The following PCBP3 variants were observed in gnomAD, a reference collection of about 807,000 sequenced individuals.
PCBP3 encodes the protein poly(rC)-binding protein 3.
In PCBP3, 25 loss-of-function variants were observed where a neutral mutation model predicts 52.7. That is an observed-to-expected ratio of 0.47 (90% CI 0.35 to 0.66). PCBP3 has a LOEUF of 0.66. Ranked by LOEUF, PCBP3 falls within the 30% of genes least tolerant of loss-of-function variation. The pLI is 0.01. For synonymous variants in PCBP3, 162 were observed against 183.0 expected (o/e 0.89, Z 0.93); for missense variants, 391 against 490.3 (o/e 0.80, Z 1.91).
Position 45,704,244 on chromosome 21 carries a change from A to G in PCBP3, c.-199-31148A>G, listed in dbSNP as rs2083307472. On this transcript the variant is annotated intron_variant, in intron 2 of 17. Transcript: ENST00000681687. The surrounding 1 kb of genome is among the most constrained non-coding windows in gnomAD (Gnocchi z 4.1). ...CAAGGAGACTCTGGTGGCAACCCTG[A>G]GCAGTGTGGAGTCAGTGGTGGCTGG... 6.6e-6 allele frequency among the ~76,000 whole-genome samples: 1 copy of G among 152,092 alleles called. No homozygotes were observed. The highest frequency in any genetic ancestry group is 6.5e-5 in the Admixed American group (1 of 15,278).
At chr21:45,801,498 C>G (rs1313955495) in intron 4 of PCBP3, among the ~76,000 whole-genome samples, 1 of 152,252 alleles carries the variant, frequency 6.6e-6, no homozygotes, top group East Asian at 1.9e-4. Context: ...TACATTTGCT[C>G]TTCTTGACAT....
chr21:45,871,525 T>G (rs1265310923), intron 5 of PCBP3: 1 of 152,466 alleles, frequency 6.6e-6, no homozygotes, highest in African/African-American at 2.4e-5. Context: ...CCCCCTCCCC[T>G]GCCAGGTTCT....
intron 4 of PCBP3, among the ~76,000 whole-genome samples, chr21:45,835,006 C>T (rs903189581): frequency 8.5e-5 from 13 of 152,350 alleles, no homozygotes; most frequent in Admixed American, 2.6e-4. Context: ...CTGAATGACG[C>T]GGGCAGCTTG....
intron 2 of PCBP3, among the ~76,000 whole-genome samples, chr21:45,697,231 C>T (rs1426492688): frequency 6.6e-6 from 1 of 152,136 alleles, no homozygotes; most frequent in African/African-American, 2.4e-5. Context: ...ACACTGGAAA[C>T]ATCCCGAATG....
At chr21:45,762,483 T>TCTC (rs2088786461) in intron 4 of PCBP3, 1 of 134,832 alleles carries the variant, frequency 7.4e-6, no homozygotes, top group African/African-American at 2.6e-5. Flanking sequence ...TTTCTTTTCT[T>TCTC]TTCTTCTCTT....
At chr21:45,936,650 AGGTAG>A (rs1159976998) in intron 16 of PCBP3, among the ~76,000 whole-genome samples, 5 of 152,246 alleles carry the variant, frequency 3.3e-5, no homozygotes, top group Non-Finnish European at 7.3e-5. Flanking sequence ...CTTTTCCTCC[AGGTAG>A]TAAAGCCACC....
chr21:45,938,881 AC>A (rs1341475157), intron 16 of PCBP3, among the ~76,000 whole-genome samples: 1 of 152,170 alleles, frequency 6.6e-6, no homozygotes, highest in Admixed American at 6.5e-5. Flanking sequence ...CTGGCAGGGC[AC>A]CTGTGTCCCA....
At chr21:45,702,446 C>G (rs1414439650) in intron 2 of PCBP3, among the ~76,000 whole-genome samples, 9 of 152,102 alleles carry the variant, frequency 5.9e-5, no homozygotes, top group Non-Finnish European at 1.0e-4. Context: ...CAGACCACCA[C>G]AATAAAGCAA....
At chr21:45,752,787 A>G (rs1382927085) in intron 3 of PCBP3, 1 of 151,864 alleles carries the variant, frequency 6.6e-6, no homozygotes, top group East Asian at 1.9e-4. Context: ...AATTTTGAGT[A>G]TACGCTTTCT....
chr21:45,877,463 T>A (rs543580840), intron 5 of PCBP3, among the ~76,000 whole-genome samples: 21 of 152,326 alleles, frequency 1.4e-4, no homozygotes, highest in African/African-American at 5.1e-4. Flanking sequence ...TTTATCAGAA[T>A]TTATAGTGGT....
chr21:45,868,411 CTTTT>C (rs1232045625), intron 5 of PCBP3, among the ~76,000 whole-genome samples: 23 of 113,660 alleles, frequency 2.0e-4, no homozygotes, highest in Middle Eastern at 0.011. Context: ...CTTATTTGTT[CTTTT>C]TTTTTTTTTT....
At chr21:45,881,434 G>T (rs925192805) in intron 5 of PCBP3, among the ~76,000 whole-genome samples, 5 of 152,074 alleles carry the variant, frequency 3.3e-5, no homozygotes, top group African/African-American at 1.2e-4. Flanking sequence ...GAGACCACAG[G>T]TGCACTCCAC....
chr21:45,815,741 G>GA (rs2092912322), intron 4 of PCBP3, among the ~76,000 whole-genome samples: 1 of 85,290 alleles, frequency 1.2e-5, no homozygotes, highest in Admixed American at 1.0e-4. Context: ...GTGAGTGAGT[G>GA]GTGAGTGGTG....
intron 3 of PCBP3, among the ~76,000 whole-genome samples, chr21:45,739,075 C>A (rs191551114): frequency 5.2e-5 from 7 of 135,586 alleles, no homozygotes; most frequent in Non-Finnish European, 7.9e-5. Context: ...GGTAGCCCCC[C>A]ATCTTCATCA....
At position 45,737,810 on chromosome 21, in the gene PCBP3, G is replaced by C. The variant is rs939566734; in HGVS notation, c.-162+2381G>C. On this transcript the variant is annotated intron_variant, in intron 3 of 17. Coordinates refer to ENST00000681687, the MANE Select transcript of PCBP3 (RefSeq NM_001384156.1). The surrounding 1 kb of genome is among the most constrained non-coding windows in gnomAD (Gnocchi z 4.9). ...GAACAGAAGGGCTCTCCTCTCGTGG[G>C]CTGTGTCGAGTGAGTCCTGCAGCTT... Among the ~76,000 whole-genome samples the C allele has an allele frequency of 1.3e-5, 2 of 152,268 alleles. No individual in the cohort carries two copies. Among genetic ancestry groups the C allele is most frequent in the Non-Finnish European group, 2.9e-5 (2 of 68,048 alleles).
At chr21:45,890,855 G>A (rs8130949) in intron 5 of PCBP3, among the ~76,000 whole-genome samples, 67,349 of 148,018 alleles carry the variant, frequency 0.46, 16,691 homozygotes, top group African/African-American at 0.67. Flanking sequence ...GCACTGCTGC[G>A]GGGAATGTAG....
chr21:45,685,082 A>G (rs1161348407), intron 2 of PCBP3, among the ~76,000 whole-genome samples: 1 of 152,220 alleles, frequency 6.6e-6, no homozygotes, highest in Non-Finnish European at 1.5e-5. Context: ...CTAACATTAG[A>G]TGCAAAGACC....
Position 45,741,273 on chromosome 21 carries a change from A to G in PCBP3, c.-162+5844A>G, listed in dbSNP as rs189782698. Among the ~76,000 whole-genome samples, 190 of 152,362 alleles carry G rather than the reference A, an allele frequency of 1.2e-3. 1 individual carries two copies. Among genetic ancestry groups the G allele is most frequent in the Middle Eastern group, 0.01 (3 of 294 alleles). On this transcript the variant is annotated intron_variant, in intron 3 of 17. Transcript: ENST00000681687. This position sits in a 1 kb window ranked among gnomAD's most constrained non-coding sequence, Gnocchi z 4.5. Reference sequence around the variant, plus strand: ...TGGAAAGAAATCAACCTAAGTTCATAGAACACCAAAGAAAGCAGTGGGGAG... The same window carrying G: ...TGGAAAGAAATCAACCTAAGTTCATGGAACACCAAAGAAAGCAGTGGGGAG...
rs1478568593 is a variant in PCBP3 at position 45,812,035 on chromosome 21, T to G, written c.-125-37926T>G. On this transcript the variant is annotated intron_variant, in intron 4 of 17. Coordinates refer to ENST00000681687, the MANE Select transcript of PCBP3 (RefSeq NM_001384156.1). ...TTGTATTTTTGTTGTTTTAAAAATT[T>G]TAATATACAATTTTATCATTGTTCA... Among the ~76,000 whole-genome samples, 3 of 152,256 alleles carry G rather than the reference T, an allele frequency of 2.0e-5. No individual in the cohort carries two copies. The East Asian group carries it at 5.8e-4, about 29-fold the overall frequency.
Sources: gnomAD v4.1 joint callset for allele counts (sites outside exome capture counted in the v4.1 genomes callset) on GRCh38, gnomAD v4.1.1 for gene constraint, Gnocchi (gnomAD v3.1) non-coding constraint, MANE v1.5 for transcripts, NCBI Gene and HGNC (gene_info 2026-07-23, HGNC 2026-07-21) for gene names.